DOCK7: variants seen among roughly 807,000 people sequenced by gnomAD.
DOCK7 encodes the protein dedicator of cytokinesis 7, also known as dedicator of cytokinesis protein 7.
A neutral mutation model predicts 271.0 loss-of-function variants in DOCK7; 138 were observed. The ratio of observed to expected loss-of-function variants is 0.51; its 90% CI spans 0.44 to 0.59. The LOEUF is 0.59. DOCK7 is among the 20% of genes least tolerant of loss of function. DOCK7 has a pLI of 0.00. For missense variants in DOCK7, 2,066 were observed against 2,592.4 expected (o/e 0.80, Z 4.41); for synonymous variants, 823 against 876.1 (o/e 0.94, Z 1.07).
At chr1:62,603,983 G>A (rs1254686966) in intron 14 of DOCK7, 3 of 1,612,764 alleles carry the variant, frequency 1.9e-6, no homozygotes, top group Admixed American at 1.7e-5. Context: ...ATTTTGGTTG[G>A]GCCTAGAGAA....
At chr1:62,548,111 C>T (rs1252641105) in intron 22 of DOCK7, among the ~76,000 whole-genome samples, 2 of 151,506 alleles carry the variant, frequency 1.3e-5, no homozygotes, top group Non-Finnish European at 2.9e-5. Flanking sequence ...ATATTCCCTG[C>T]CACAATGAAG....
At position 62,529,379 on chromosome 1, in the gene DOCK7, G is replaced by C; in HGVS notation, c.3679C>G (p.Pro1227Ala). 1 of 1,613,556 alleles carries C rather than the reference G, an allele frequency of 6.2e-7. No homozygotes were observed. Among genetic ancestry groups the C allele is most frequent in the Non-Finnish European group, 8.5e-7 (1 of 1,179,846 alleles). ...TTTATCTGAGGGTCAGAGTACCGCG[G>C]GTCTGAGTCGTGACTGGAGAGTAAA... Reference protein sequence around the residue: ...HNLLSSHDSDPRYSDPQIKAR... With the variant: ...HNLLSSHDSDARYSDPQIKAR... Residue 1227 changes from proline to alanine, a missense_variant, in exon 30 of 50, where the codon CCG becomes GCG. Coordinates refer to ENST00000635253, the MANE Select transcript of DOCK7 (RefSeq NM_001367561.1).
chr1:62,572,605 G>A (rs144829268), intron 18 of DOCK7, among the ~76,000 whole-genome samples: 4 of 151,122 alleles, frequency 2.6e-5, no homozygotes, highest in East Asian at 1.9e-4. Context: ...TCTCACCCTG[G>A]GTTGCAGATG....
At chr1:62,587,674 CCAAA>C (rs1442025511) in intron 14 of DOCK7, among the ~76,000 whole-genome samples, 1 of 152,014 alleles carries the variant, frequency 6.6e-6, no homozygotes, top group Non-Finnish European at 1.5e-5. Flanking sequence ...TCATGTATCC[CCAAA>C]CAATGTACAG....
chr1:62,572,074 AT>A (rs1450514501), intron 18 of DOCK7, among the ~76,000 whole-genome samples: 1 of 152,204 alleles, frequency 6.6e-6, no homozygotes, highest in Non-Finnish European at 1.5e-5. Context: ...TAAATAAAAA[AT>A]AACAGTTCTC....
At chr1:62,558,867 C>A in intron 20 of DOCK7, 122 bp downstream of exon 20, 1 of 740,188 alleles carries the variant, frequency 1.4e-6, no homozygotes. Context: ...TAACATCTTC[C>A]ACCCCAAATC....
intron 48 of DOCK7, among the ~76,000 whole-genome samples, chr1:62,461,476 TGA>T (rs1645524494): frequency 6.6e-6 from 1 of 151,106 alleles, no homozygotes; most frequent in Non-Finnish European, 1.5e-5. Context: ...AGCCCAGGAG[TGA>T]GAGACCAGCC....
intron 14 of DOCK7, chr1:62,605,307 G>A (rs1650826603): frequency 6.6e-6 from 1 of 152,552 alleles, no homozygotes; most frequent in African/African-American, 2.4e-5. Flanking sequence ...CAGAGTATGT[G>A]TAAAAATCTG....
chr1:62,651,656 C>G (rs978507851), intron 4 of DOCK7, among the ~76,000 whole-genome samples: 2 of 151,864 alleles, frequency 1.3e-5, no homozygotes, highest in East Asian at 3.9e-4. Flanking sequence ...CCAAAGATAA[C>G]GAATTGATTT....
chr1:62,617,033 C>T (rs567113276), intron 14 of DOCK7, among the ~76,000 whole-genome samples: 15 of 148,086 alleles, frequency 1.0e-4, no homozygotes, highest in African/African-American at 2.5e-4. Context: ...AAGAAAGATA[C>T]GAAAGCTTTC....
In DOCK7 at chr1:62,619,999, T is replaced by C. The variant is rs1008996898; in HGVS notation, c.1426-6A>G. ...TCACTTAAGCGGTCTCCTTCCTGATTTCAATAATAGAGGAAAAAGTATTTG... is the reference window on the plus strand; with the variant it reads ...TCACTTAAGCGGTCTCCTTCCTGATCTCAATAATAGAGGAAAAAGTATTTG... On this transcript the variant is annotated splice_region_variant and splice_polypyrimidine_tract_variant and intron_variant, in intron 12 of 49. Coordinates refer to ENST00000635253, the MANE Select transcript of DOCK7 (RefSeq NM_001367561.1). The C allele has an allele frequency of 1.9e-6, 3 of 1,607,218 alleles. No homozygotes were observed. The highest frequency in any genetic ancestry group is 2.6e-6 in the Non-Finnish European group (3 of 1,175,190).
chr1:62,503,492 C>G (rs934299412), intron 37 of DOCK7, among the ~76,000 whole-genome samples: 4 of 151,068 alleles, frequency 2.6e-5, no homozygotes, highest in African/African-American at 9.7e-5. Context: ...GGCTGGAGTA[C>G]AGTGGTGTGT....
At chr1:62,635,423 G>T in intron 8 of DOCK7, 1 of 152,578 alleles carries the variant, frequency 6.6e-6, no homozygotes, top group Non-Finnish European at 1.5e-5. Context: ...TATAGTCCCA[G>T]CTACTCGGGA....
At chr1:62,641,746 T>C (rs527409022) in intron 7 of DOCK7, 30 of 315,468 alleles carry the variant, frequency 9.5e-5, no homozygotes, top group African/African-American at 6.5e-4. Context: ...TGGGAAAGGC[T>C]AAATTGGGTG....
At chr1:62,497,874 T>C (rs1646667085) in intron 37 of DOCK7, among the ~76,000 whole-genome samples, 1 of 152,122 alleles carries the variant, frequency 6.6e-6, no homozygotes, top group Admixed American at 6.6e-5. Context: ...ACTGAGAGTA[T>C]AGTGATAAAA....
intron 7 of DOCK7, chr1:62,641,057 G>A: frequency 5.4e-6 from 1 of 186,710 alleles, no homozygotes; most frequent in Non-Finnish European, 1.1e-5. Context: ...ACATCCCAGG[G>A]CAGCAGTGAA....
At chr1:62,464,925 A>G (rs1269806979) in intron 48 of DOCK7, among the ~76,000 whole-genome samples, 2 of 152,228 alleles carry the variant, frequency 1.3e-5, no homozygotes, top group African/African-American at 2.4e-5. Flanking sequence ...TTAAAAAGAA[A>G]AAGATGTCAT....
intron 14 of DOCK7, chr1:62,608,900 T>C (rs1045060635): frequency 3.3e-5 from 5 of 152,214 alleles, no homozygotes; most frequent in East Asian, 3.8e-4. Flanking sequence ...ACAACACTTA[T>C]TGAGCATCTA....
chr1:62,508,639 G>A (rs1644385131), intron 34 of DOCK7, among the ~76,000 whole-genome samples: 2 of 152,100 alleles, frequency 1.3e-5, no homozygotes, highest in Non-Finnish European at 2.9e-5. Context: ...TAGTTAGCTT[G>A]CCTGTGGTAA....
Sources: gnomAD v4.1 joint callset for allele counts (sites outside exome capture counted in the v4.1 genomes callset) on GRCh38, gnomAD v4.1.1 for gene constraint, MANE v1.5 for transcripts, NCBI Gene and HGNC (gene_info 2026-07-23, HGNC 2026-07-21) for gene names.